The following ZNG1A variants were observed in gnomAD, a reference collection of about 807,000 sequenced individuals.
ZNG1A encodes zinc-regulated GTPase metalloprotein activator 1A.
At chr9:128,095 C>G in the ZNG1A span, among the ~76,000 whole-genome samples, 100 of 152,078 alleles carry the variant, frequency 6.6e-4, no homozygotes, top group African/African-American at 2.2e-3. Context: ...AGGTTACCTG[C>G]TGCTTTTGTT....
chr9:176,974 A>AT, the ZNG1A span, among the ~76,000 whole-genome samples: 1 of 152,270 alleles, frequency 6.6e-6, no homozygotes, highest in East Asian at 1.9e-4. Context: ...TATCAAGGGA[A>AT]GGGGGGAATG....
At chr9:142,078 C>A in the ZNG1A span, among the ~76,000 whole-genome samples, 1 of 145,118 alleles carries the variant, frequency 6.9e-6, no homozygotes, top group Non-Finnish European at 1.5e-5. Flanking sequence ...CTTAGACTCC[C>A]ACACAATAAT....
chr9:177,776 G>A, the ZNG1A span: 2 of 1,537,460 alleles, frequency 1.3e-6, no homozygotes. Context: ...CATTGTTTTG[G>A]ACAAGAAATT....
chr9:141,568 T>C, the ZNG1A span, among the ~76,000 whole-genome samples: 1 of 151,142 alleles, frequency 6.6e-6, no homozygotes, highest in Admixed American at 6.6e-5. Context: ...GAACAACCGG[T>C]ACCAGCCGCT....
At chr9:143,749 C>A in the ZNG1A span, among the ~76,000 whole-genome samples, 22 of 118,730 alleles carry the variant, frequency 1.9e-4, 1 homozygote, top group African/African-American at 7.3e-4. Flanking sequence ...AAGAGGAAGT[C>A]AAATTGTCCC....
chr9:128,389 CTTT>C, the ZNG1A span, among the ~76,000 whole-genome samples: 1 of 151,658 alleles, frequency 6.6e-6, no homozygotes, highest in Non-Finnish European at 1.5e-5. Context: ...ATTCTTTTTT[CTTT>C]GTCTTTATTG....
At chr9:141,059 G>A in the ZNG1A span, among the ~76,000 whole-genome samples, 43 of 137,482 alleles carry the variant, frequency 3.1e-4, no homozygotes, top group Admixed American at 1.3e-3. Context: ...CCAAATCTAC[G>A]TCTGATTGGT....
the ZNG1A span, among the ~76,000 whole-genome samples, chr9:174,634 C>T: frequency 1.2e-4 from 18 of 148,458 alleles, 1 homozygote; most frequent in African/African-American, 4.6e-4. Context: ...TTTTCTCTTT[C>T]GTTTATTAAA....
the ZNG1A span, chr9:152,017 T>C: frequency 1.7e-6 from 1 of 585,906 alleles, no homozygotes; most frequent in East Asian, 2.9e-5. Context: ...TTAATAGGAA[T>C]AGCTTTTTTA....
At chr9:178,610 G>A in the ZNG1A span, among the ~76,000 whole-genome samples, 2 of 109,686 alleles carry the variant, frequency 1.8e-5, no homozygotes, top group Non-Finnish European at 4.5e-5. Flanking sequence ...CTTGAGAAAT[G>A]GGAATCTAAC....
At chr9:144,518 T>C in the ZNG1A span, among the ~76,000 whole-genome samples, 6 of 152,124 alleles carry the variant, frequency 3.9e-5, no homozygotes, top group Non-Finnish European at 7.3e-5. Context: ...ACCAGATCCC[T>C]TCCTTACACC....
the ZNG1A span, chr9:161,794 T>A: frequency 2.1e-6 from 1 of 474,432 alleles, no homozygotes; most frequent in Non-Finnish European, 3.9e-6. Context: ...TAGCAGGATG[T>A]CTTTTACACT....
At chr9:154,396 C>G in the ZNG1A span, 2 of 455,710 alleles carry the variant, frequency 4.4e-6, no homozygotes, top group Non-Finnish European at 7.6e-6. Context: ...AGTGAATTAA[C>G]CATCCTGGGT....
chr9:124,145 C>G, the ZNG1A span, among the ~76,000 whole-genome samples: 3 of 151,882 alleles, frequency 2.0e-5, no homozygotes, highest in African/African-American at 7.3e-5. Context: ...TATTTTTCTT[C>G]TTTATCTTGA....
chr9:169,148 G>T, the ZNG1A span, among the ~76,000 whole-genome samples: 4 of 152,278 alleles, frequency 2.6e-5, no homozygotes, highest in East Asian at 5.8e-4. Context: ...ATGCCATTAA[G>T]AACATTTGTG....
the ZNG1A span, chr9:154,807 A>T: frequency 6.8e-7 from 1 of 1,479,560 alleles, no homozygotes; most frequent in South Asian, 1.2e-5. Flanking sequence ...TAAAATAGCA[A>T]ACAGAGAAAT....
the ZNG1A span, chr9:121,579 A>C: frequency 1.9e-6 from 3 of 1,604,354 alleles, no homozygotes; most frequent in Non-Finnish European, 1.7e-6. Context: ...TCTGCCTGCA[A>C]ACAAAACAAA....
chr9:170,529 G>A, the ZNG1A span, among the ~76,000 whole-genome samples: 3 of 150,572 alleles, frequency 2.0e-5, no homozygotes, highest in African/African-American at 7.4e-5. Context: ...TGGGATTATG[G>A]GGTGCGCCAC....
the ZNG1A span, among the ~76,000 whole-genome samples, chr9:139,935 C>A: frequency 6.7e-6 from 1 of 148,702 alleles, no homozygotes; most frequent in Non-Finnish European, 1.5e-5. Flanking sequence ...ACTCCCACCC[C>A]AATACTGCGC....
Sources: allele counts gnomAD v4.1 joint callset (sites outside exome capture counted in the v4.1 genomes callset), GRCh38; gene constraint gnomAD v4.1.1; transcripts MANE v1.5; gene names NCBI Gene and HGNC (gene_info 2026-07-23, HGNC 2026-07-21).